Variants in PKIB observed in about 807,000 individuals in gnomAD.
PKIB encodes the protein PKI-beta.
In PKIB, 2 loss-of-function variants were observed where a neutral mutation model predicts 4.5. The ratio of observed to expected loss-of-function variants is 0.44; its 90% CI spans 0.18 to 1.39. PKIB has a LOEUF of 1.39. Among genes scored for constraint, PKIB ranks in the 40% most tolerant of loss-of-function variants. PKIB has a pLI of 0.27. For synonymous variants in PKIB, 38 were observed against 36.0 expected (o/e 1.06, Z -0.20); for missense variants, 94 against 92.6 (o/e 1.02, Z -0.06).
At chr6:122,531,949 T>C (rs531614010) in intron 2 of PKIB, among the ~76,000 whole-genome samples, 2 of 152,314 alleles carry the variant, frequency 1.3e-5, no homozygotes, top group African/African-American at 4.8e-5. Flanking sequence ...TATGATGCAA[T>C]GTTACTTGAC....
intron 2 of PKIB, among the ~76,000 whole-genome samples, chr6:122,519,739 T>C (rs1231715756): frequency 6.6e-6 from 1 of 152,236 alleles, no homozygotes; most frequent in Admixed American, 6.5e-5. Context: ...TTTTCCTGAA[T>C]CTTTCTATTA....
intron 2 of PKIB, among the ~76,000 whole-genome samples, chr6:122,647,273 A>G (rs1205942159): frequency 6.6e-6 from 1 of 152,324 alleles, no homozygotes; most frequent in East Asian, 1.9e-4. Flanking sequence ...GATATTGAGG[A>G]TAATCTTCTT....
At chr6:122,569,144 A>G (rs1582703910) in intron 2 of PKIB, among the ~76,000 whole-genome samples, 1 of 152,110 alleles carries the variant, frequency 6.6e-6, no homozygotes, top group Admixed American at 6.5e-5. Flanking sequence ...CAGAGCACAG[A>G]CCCGCCTAAC....
intron 1 of PKIB, among the ~76,000 whole-genome samples, chr6:122,477,380 T>G (rs1775476777): frequency 6.6e-6 from 1 of 152,210 alleles, no homozygotes; most frequent in South Asian, 2.1e-4. Context: ...TGCATTTGCT[T>G]TAGGTATTGA....
At chr6:122,698,652 G>T (rs1269388566) in intron 3 of PKIB, among the ~76,000 whole-genome samples, 1 of 152,160 alleles carries the variant, frequency 6.6e-6, no homozygotes. Flanking sequence ...GCCTCTGAGG[G>T]CACTAACTGG....
At chr6:122,635,417 A>C (rs6919740) in intron 2 of PKIB, among the ~76,000 whole-genome samples, 1 of 151,828 alleles carries the variant, frequency 6.6e-6, no homozygotes. Flanking sequence ...TCTTATTTTC[A>C]TCAGCTATTT....
chr6:122,557,887 G>A (rs1019647368), intron 2 of PKIB, among the ~76,000 whole-genome samples: 1 of 152,070 alleles, frequency 6.6e-6, no homozygotes, highest in African/African-American at 2.4e-5. Context: ...ATTGGGTAAG[G>A]TCTGATTTTT....
chr6:122,595,662 C>T (rs774828051), intron 3 of PKIB, among the ~76,000 whole-genome samples: 1 of 152,142 alleles, frequency 6.6e-6, no homozygotes, highest in Admixed American at 6.6e-5. Context: ...GGTGCCATAT[C>T]GAGGGCTCAG....
At position 122,509,109 on chromosome 6, in the gene PKIB, T is replaced by C. The variant is rs529502106; in HGVS notation, c.-248+31170T>C. On this transcript the variant is annotated intron_variant, in intron 2 of 6. Coordinates refer to the PKIB transcript ENST00000392491. ...TCAGCTCTTTGGGCTGAGGAAAAGT[T>C]AGTGTGGATAACTTTATCACATGGT... Among the ~76,000 whole-genome samples the C allele has an allele frequency of 1.5e-4, 23 of 152,290 alleles. 1 individual carries two copies. In the East Asian group the frequency reaches 2.3e-3, roughly 15 times the overall value.
intron 3 of PKIB, among the ~76,000 whole-genome samples, chr6:122,706,823 A>G (rs1434308027): frequency 1.3e-5 from 2 of 152,042 alleles, no homozygotes; most frequent in Non-Finnish European, 2.9e-5. Flanking sequence ...TCAACGAAGA[A>G]AATAGAAATC....
chr6:122,613,800 T>A (rs1349168161), intron 1 of PKIB, among the ~76,000 whole-genome samples: 2 of 151,682 alleles, frequency 1.3e-5, no homozygotes, highest in Non-Finnish European at 2.9e-5. Flanking sequence ...CCCGTCTCTC[T>A]AAAAATACAA....
In PKIB at chr6:122,718,631, G is replaced by A. The variant is rs189113192; in HGVS notation, c.169+668G>A. 5.5e-4 allele frequency among the ~76,000 whole-genome samples: 83 copies of A among 152,214 alleles called. 1 individual carries two copies. The highest frequency in any genetic ancestry group is 5.2e-3 in the Admixed American group (80 of 15,288). ...TCCAAGCCATTAGCAAAATACTCAC[G>A]TTTTGTGCCCCATTTTAGACTCTCA... On this transcript the variant is annotated intron_variant, in intron 4 of 4. Coordinates refer to ENST00000368452, the MANE Select transcript of PKIB (RefSeq NM_181795.3).
intron 2 of PKIB, among the ~76,000 whole-genome samples, 190 bp downstream of exon 2, chr6:122,633,557 G>A (rs2114825988): frequency 6.6e-6 from 1 of 152,196 alleles, no homozygotes; most frequent in Middle Eastern, 3.4e-3. Context: ...CTAATTAATA[G>A]CAAACGATAC....
chr6:122,662,215 A>G (rs1021806618), intron 2 of PKIB, among the ~76,000 whole-genome samples: 1 of 143,176 alleles, frequency 7.0e-6, no homozygotes, highest in Non-Finnish European at 1.5e-5. Context: ...CAATTTATCA[A>G]TTTTTTTTGT....
intron 4 of PKIB, 38 bp from the exon 5 acceptor site, chr6:122,725,090 C>A (rs748697540): frequency 6.4e-6 from 9 of 1,415,250 alleles, no homozygotes; most frequent in Middle Eastern, 1.9e-4. Flanking sequence ...AAATAAATTT[C>A]AATATATTCC....
intron 2 of PKIB, among the ~76,000 whole-genome samples, chr6:122,657,770 C>T (rs1776830720): frequency 6.6e-6 from 1 of 152,216 alleles, no homozygotes; most frequent in Non-Finnish European, 1.5e-5. Flanking sequence ...CCAATTTAAA[C>T]ACTGGCTTTC....
At chr6:122,555,683 A>G (rs1772815526) in intron 2 of PKIB, among the ~76,000 whole-genome samples, 2 of 152,176 alleles carry the variant, frequency 1.3e-5, no homozygotes, top group Admixed American at 1.3e-4. Context: ...TTCTTTTCAA[A>G]TTGCCATTAG....
chr6:122,624,083 C>T (rs962317562), intron 1 of PKIB, among the ~76,000 whole-genome samples: 1 of 151,962 alleles, frequency 6.6e-6, no homozygotes, highest in African/African-American at 2.4e-5. Flanking sequence ...GTAACTTGGC[C>T]AAGTGTACAC....
intron 4 of PKIB, among the ~76,000 whole-genome samples, chr6:122,718,923 T>A (rs1779612707): frequency 6.6e-6 from 1 of 152,068 alleles, no homozygotes; most frequent in African/African-American, 2.4e-5. Context: ...CCACTATTTC[T>A]CATATGCAAC....
Sources: allele counts gnomAD v4.1 joint callset (sites outside exome capture counted in the v4.1 genomes callset), GRCh38; gene constraint gnomAD v4.1.1; transcripts MANE v1.5; gene names NCBI Gene and HGNC (gene_info 2026-07-23, HGNC 2026-07-21).